ABHD16A: variants seen among roughly 807,000 people sequenced by gnomAD.
ABHD16A encodes abhydrolase domain containing 16A, phospholipase, also known as phosphatidylserine lipase ABHD16A.
ABHD16A carries 47 observed loss-of-function variants against 89.8 expected under a neutral mutation model. The observed-to-expected ratio is 0.52, with a 90% CI of 0.41 to 0.67. The LOEUF is 0.67. Ranked by LOEUF, ABHD16A falls within the 30% of genes least tolerant of loss-of-function variation. The pLI, the probability that ABHD16A is intolerant of heterozygous loss-of-function variation, is 0.00. For missense variants in ABHD16A, 580 were observed against 734.6 expected (o/e 0.79, Z 2.43); for synonymous variants, 251 against 280.4 (o/e 0.90, Z 1.05).
At chr6:31,689,237 G>C (rs1200477492) in intron 12 of ABHD16A, 118 bp from the exon 13 acceptor site, 1 of 959,834 alleles carries the variant, frequency 1.0e-6, no homozygotes. Context: ...GTTATCCCTT[G>C]TTTTTTTCTT....
chr6:31,698,330 G>C lies in ABHD16A; in HGVS notation c.344-1297C>G, dbSNP rs1007223875. Among the ~76,000 whole-genome samples, 5 of 151,334 alleles carry C rather than the reference G, an allele frequency of 3.3e-5. No homozygotes were observed. The highest frequency in any genetic ancestry group is 5.9e-5 in the Non-Finnish European group (4 of 67,906). ...GATGGGACTGAAAGGATTCCAATGG[G>C]AACTCCAACCCTAACTGTGGTGCTT... On this transcript the variant is annotated intron_variant, in intron 4 of 19. Coordinates refer to ENST00000395952, the MANE Select transcript of ABHD16A (RefSeq NM_021160.3). This position sits in a 1 kb window ranked among gnomAD's most constrained non-coding sequence, Gnocchi z 4.1.
chr6:31,691,680 A>G lies in ABHD16A; in HGVS notation c.742T>C (p.Cys248Arg). The G allele has an allele frequency of 3.9e-6, 6 of 1,549,994 alleles. No homozygotes were observed. Among genetic ancestry groups the G allele is most frequent in the Admixed American group, 1.8e-5 (1 of 55,746 alleles). ...AGCAGCTTTGCCCGGCGCCCATTAC[A>G]CTGAGTACGGAAGACGCAATGGCCA... ...LQGQARLVEE[C>R]NGRRAKLLAC... Residue 248 changes from cysteine (C) to arginine (R), a missense_variant and splice_region_variant, in exon 9 of 20, where the codon TGT becomes CGT. Cys to Arg is a radical substitution (Grantham distance 180). This residue lies in a region of ABHD16A where 415 missense variants were observed against 568.8 expected (regional missense o/e 0.73). Coordinates refer to ENST00000395952, the MANE Select transcript of ABHD16A (RefSeq NM_021160.3).
Position 31,693,438 on chromosome 6 carries a change from G to C in ABHD16A, c.430-6C>G. ...TTGTAGTTGGCAAGCTGCCTCTGCA[G>C]TGGGCACGAGAGGCAAAGGGGTACT... On this transcript the variant is annotated splice_region_variant and splice_polypyrimidine_tract_variant and intron_variant, in intron 5 of 19. Transcript: ENST00000395952. The surrounding 1 kb of genome is among the most constrained non-coding windows in gnomAD (Gnocchi z 5.0). 1 of 1,612,944 alleles carries C rather than the reference G, an allele frequency of 6.2e-7. No homozygotes were observed. Among genetic ancestry groups the C allele is most frequent in the Non-Finnish European group, 8.5e-7 (1 of 1,180,018 alleles).
At position 31,688,684 on chromosome 6, in the gene ABHD16A, G is replaced by A; in HGVS notation, c.1250+39C>T. 6.2e-7 allele frequency: 1 copy of A among 1,609,176 alleles called. No homozygotes were observed. The highest frequency in any genetic ancestry group is 8.5e-7 in the Non-Finnish European group (1 of 1,177,138). ...TTGAGCGCCCAGCAGAGCTGTATGG[G>A]GGGCAGGTGTTCAATGCCGGACGCT... On this transcript the variant is annotated intron_variant, in intron 14 of 19. Transcript: ENST00000395952. The surrounding 1 kb of genome is among the most constrained non-coding windows in gnomAD (Gnocchi z 4.9).
intron 11 of ABHD16A, 95 bp from the exon 12 acceptor site, chr6:31,689,799 C>G: frequency 6.6e-7 from 1 of 1,505,044 alleles, no homozygotes; most frequent in Non-Finnish European, 8.9e-7. Flanking sequence ...CCACCTATGA[C>G]AGGCAGAGAA....
At chr6:31,692,774 C>T in intron 7 of ABHD16A, 32 of 160,946 alleles carry the variant, frequency 2.0e-4, no homozygotes, top group South Asian at 7.1e-4. Context: ...TGCTCCTTTT[C>T]AGCCTCACTG....
intron 5 of ABHD16A, among the ~76,000 whole-genome samples, chr6:31,696,027 G>A (rs1418395059): frequency 6.6e-6 from 1 of 152,086 alleles, no homozygotes; most frequent in Non-Finnish European, 1.5e-5. Context: ...AGCCGGGCGT[G>A]GTGGCAGGCG....
chr6:31,701,947 G>T, intron 2 of ABHD16A, 127 bp downstream of exon 2: 1 of 959,978 alleles, frequency 1.0e-6, no homozygotes, highest in Non-Finnish European at 1.6e-6. Context: ...TGTTGGAGAG[G>T]TCTGCTGCAG....
intron 12 of ABHD16A, 60 bp downstream of exon 12, chr6:31,689,521 C>T (rs376061336): frequency 9.5e-6 from 14 of 1,474,982 alleles, no homozygotes; most frequent in South Asian, 6.9e-5. Flanking sequence ...CCACCTCTCC[C>T]GGGTGGGGCT....
Position 31,693,473 on chromosome 6 carries a change from G to A in ABHD16A, c.430-41C>T. The A allele has an allele frequency of 1.3e-6, 2 of 1,599,890 alleles. No individual in the cohort carries two copies. The highest frequency in any genetic ancestry group is 1.7e-6 in the Non-Finnish European group (2 of 1,169,646). On this transcript the variant is annotated intron_variant, in intron 5 of 19. Coordinates refer to ENST00000395952, the MANE Select transcript of ABHD16A (RefSeq NM_021160.3). This position sits in a 1 kb window ranked among gnomAD's most constrained non-coding sequence, Gnocchi z 5.0. ...GAGGCAAAGGGGTACTGAGAACTCA[G>A]GGGAGGCTCTCCTACCCACCCTCAA...
In ABHD16A at chr6:31,687,785, C is replaced by T; in HGVS notation, c.1447+39G>A. 1 of 1,612,888 alleles carries T rather than the reference C, an allele frequency of 6.2e-7. No individual in the cohort carries two copies. Among genetic ancestry groups the T allele is most frequent in the Non-Finnish European group, 8.5e-7 (1 of 1,179,954 alleles). On this transcript the variant is annotated intron_variant, in intron 17 of 19. Transcript: ENST00000395952. This position sits in a 1 kb window ranked among gnomAD's most constrained non-coding sequence, Gnocchi z 6.3. ...ACAGCCAGTCAGCAACCTGACCTTG[C>T]TGGGCCCCCGCCCCAAGCCTCACTG... is the stretch of plus-strand genomic sequence containing the variant.
rs745890329 is a variant in ABHD16A, at chr6:31,693,446, G to A, written c.430-14C>T. 12 of 1,612,544 alleles carry A rather than the reference G, an allele frequency of 7.4e-6. No homozygotes were observed. Among genetic ancestry groups the A allele is most frequent in the South Asian group, 3.3e-5 (3 of 91,058 alleles). ...GGCAAGCTGCCTCTGCAGTGGGCACGAGAGGCAAAGGGGTACTGAGAACTC... is the reference window on the plus strand; with the variant it reads ...GGCAAGCTGCCTCTGCAGTGGGCACAAGAGGCAAAGGGGTACTGAGAACTC... On this transcript the variant is annotated splice_polypyrimidine_tract_variant and intron_variant, in intron 5 of 19. Coordinates refer to ENST00000395952, the MANE Select transcript of ABHD16A (RefSeq NM_021160.3). This position sits in a 1 kb window ranked among gnomAD's most constrained non-coding sequence, Gnocchi z 5.0.
intron 1 of ABHD16A, chr6:31,702,800 T>A: frequency 1.4e-6 from 2 of 1,422,774 alleles, no homozygotes; most frequent in Non-Finnish European, 1.8e-6. Context: ...AAACTGGGAG[T>A]CTGACAGCAA....
rs765044405 is a variant in ABHD16A, at chr6:31,703,295, G to C, written c.-14C>G. On this transcript the variant is annotated 5_prime_UTR_variant, in exon 1 of 20. Coordinates refer to ENST00000395952, the MANE Select transcript of ABHD16A (RefSeq NM_021160.3). Reference sequence around the variant, plus strand: ...CAGCTTCGCCATGGCCCCGGCTCGGGCCGCTGCTCTTCCAGCAGCAGGTCC... The same window carrying C: ...CAGCTTCGCCATGGCCCCGGCTCGGCCCGCTGCTCTTCCAGCAGCAGGTCC... The C allele has an allele frequency of 5.2e-6, 7 of 1,342,654 alleles. No homozygotes were observed. Among genetic ancestry groups the C allele is most frequent in the Non-Finnish European group, 6.8e-6 (7 of 1,035,238 alleles). The allele number at this position is 1,342,654 out of a possible 1,614,324, so 83.2% of individuals were successfully genotyped here.
At position 31,687,591 on chromosome 6, in the gene ABHD16A, T is replaced by G. The variant is rs768777384; in HGVS notation, c.1547-47A>C. 6.2e-7 allele frequency: 1 copy of G among 1,612,856 alleles called. No individual in the cohort carries two copies. The highest frequency in any genetic ancestry group is 2.2e-5 in the East Asian group (1 of 44,880). On this transcript the variant is annotated intron_variant, in intron 18 of 19. Transcript: ENST00000395952. This position sits in a 1 kb window ranked among gnomAD's most constrained non-coding sequence, Gnocchi z 6.3. The stretch of plus-strand genomic sequence containing the variant: ...AATAGGCCACACATCTGGGTATTCA[T>G]CCCCTTCCTAGGCCCTTCCCACCCT...
intron 1 of ABHD16A, chr6:31,702,608 C>A: frequency 6.8e-7 from 1 of 1,476,978 alleles, no homozygotes. Flanking sequence ...TTAGAACAGC[C>A]TACCACCACC....
Position 31,693,481 on chromosome 6 carries a change from T to C in ABHD16A, c.430-49A>G. The C allele has an allele frequency of 6.4e-7, 1 of 1,571,888 alleles. No individual in the cohort carries two copies. Among genetic ancestry groups the C allele is most frequent in the Non-Finnish European group, 8.7e-7 (1 of 1,145,388 alleles). Reference sequence around the variant, plus strand: ...GGGGTACTGAGAACTCAGGGGAGGCTCTCCTACCCACCCTCAACAACACCT... The same window carrying C: ...GGGGTACTGAGAACTCAGGGGAGGCCCTCCTACCCACCCTCAACAACACCT... On this transcript the variant is annotated intron_variant, in intron 5 of 19. Transcript: ENST00000395952. The surrounding 1 kb of genome is among the most constrained non-coding windows in gnomAD (Gnocchi z 5.0).
At chr6:31,692,007 G>A in intron 7 of ABHD16A, 89 bp from the exon 8 acceptor site, 2 of 999,780 alleles carry the variant, frequency 2.0e-6, no homozygotes, top group Non-Finnish European at 2.9e-6. Flanking sequence ...CTCACAGACT[G>A]TAAGGCCTGC....
At chr6:31,695,259 G>A (rs955307314) in intron 5 of ABHD16A, among the ~76,000 whole-genome samples, 2 of 152,204 alleles carry the variant, frequency 1.3e-5, no homozygotes, top group African/African-American at 2.4e-5. Flanking sequence ...AAGACACTGA[G>A]CCCTAGCTTT....
Sources: allele counts gnomAD v4.1 joint callset (sites outside exome capture counted in the v4.1 genomes callset), GRCh38; gene constraint gnomAD v4.1.1; regional missense constraint gnomAD v4.1.1; non-coding constraint Gnocchi (gnomAD v3.1); transcripts MANE v1.5; gene names NCBI Gene and HGNC (gene_info 2026-07-23, HGNC 2026-07-21).